The following ERC1 variants were observed in gnomAD, a reference collection of about 807,000 sequenced individuals.
ERC1 encodes ELKS/RAB6-interacting/CAST family member 1, also known as RAB6 interacting protein 2.
In ERC1, 56 loss-of-function variants were observed where a neutral mutation model predicts 132.0. That is an observed-to-expected ratio of 0.42 (90% CI 0.34 to 0.53). The LOEUF is 0.53. Among genes scored for constraint, ERC1 ranks in the 20% least tolerant of loss-of-function variants. The pLI, the probability that ERC1 is intolerant of heterozygous loss-of-function variation, is 0.03. For missense variants in ERC1, 1,202 were observed against 1,349.9 expected (o/e 0.89, Z 1.72); for synonymous variants, 478 against 476.1 (o/e 1.00, Z -0.05).
chr12:1,362,268 A>G (rs1678502007), intron 15 of ERC1, among the ~76,000 whole-genome samples: 1 of 152,166 alleles, frequency 6.6e-6, no homozygotes, highest in Non-Finnish European at 1.5e-5. Flanking sequence ...CTTAATGAAA[A>G]AGGACATCAG....
chr12:1,160,524 C>T (rs1951791222), intron 8 of ERC1, among the ~76,000 whole-genome samples: 1 of 152,078 alleles, frequency 6.6e-6, no homozygotes, highest in Non-Finnish European at 1.5e-5. Context: ...CACCTGAGGT[C>T]AGGAGCTTGA....
At chr12:1,040,280 CAT>C (rs1969954783) in intron 2 of ERC1, among the ~76,000 whole-genome samples, 1 of 151,538 alleles carries the variant, frequency 6.6e-6, no homozygotes, top group Non-Finnish European at 1.5e-5. Context: ...CTACCATACA[CAT>C]TTCTAAAAAT....
rs190370835 is a variant in ERC1 at position 1,492,648 on chromosome 12, C to T, written c.*2418C>T. On this transcript the variant is annotated 3_prime_UTR_variant, in exon 19 of 19. Coordinates refer to ENST00000360905, the MANE Select transcript of ERC1 (RefSeq NM_178040.4). ...CTGTGACACTGCTTCTGAGAAGAAGCATTTCCGGGACCGATATCATCTGTC... is the reference window on the plus strand; with the variant it reads ...CTGTGACACTGCTTCTGAGAAGAAGTATTTCCGGGACCGATATCATCTGTC... 4 of 233,082 alleles carry T rather than the reference C, an allele frequency of 1.7e-5. No homozygotes were observed. Among genetic ancestry groups the T allele is most frequent in the Admixed American group, 5.6e-5 (1 of 17,790 alleles). The allele number at this position is 233,082 out of a possible 1,614,324, so 14.4% of individuals were successfully genotyped here.
At chr12:1,305,519 C>G (rs868650403) in intron 15 of ERC1, among the ~76,000 whole-genome samples, 1 of 152,186 alleles carries the variant, frequency 6.6e-6, no homozygotes, top group South Asian at 2.1e-4. Context: ...GCCCCACCCC[C>G]GTAAGTTATT....
chr12:1,237,978 G>A (rs1220663121), intron 13 of ERC1, among the ~76,000 whole-genome samples: 7 of 152,134 alleles, frequency 4.6e-5, no homozygotes, highest in Non-Finnish European at 1.0e-4. Flanking sequence ...ATATGAAGAA[G>A]ACTCTACTTT....
intron 1 of ERC1, among the ~76,000 whole-genome samples, chr12:1,024,197 A>G (rs1966761871): frequency 1.3e-5 from 2 of 152,168 alleles, no homozygotes; most frequent in African/African-American, 2.4e-5. Context: ...ACTGGGCAAC[A>G]TGGTGAAACC....
chr12:1,071,100 GT>G (rs1940268568), intron 2 of ERC1, among the ~76,000 whole-genome samples: 1 of 152,276 alleles, frequency 6.6e-6, no homozygotes, highest in South Asian at 2.1e-4. Context: ...CCAATCTTCT[GT>G]TGATGGACAT....
In ERC1 at chr12:1,207,064, C is replaced by G. The variant is rs117376951; in HGVS notation, c.2351+17012C>G. ...AAGTTAAAATACTTTTATACTTTGCCCCCCAAAAAATCCCATTGTTATAGT... is the reference window on the plus strand; with the variant it reads ...AAGTTAAAATACTTTTATACTTTGCGCCCCAAAAAATCCCATTGTTATAGT... On this transcript the variant is annotated intron_variant, in intron 12 of 18. Coordinates refer to ENST00000360905, the MANE Select transcript of ERC1 (RefSeq NM_178040.4). Among the ~76,000 whole-genome samples the G allele has an allele frequency of 2.5e-3, 384 of 152,112 alleles. 7 individuals carry two copies. In the East Asian group the frequency reaches 0.062, roughly 25 times the overall value.
chr12:1,092,129 G>A (rs964787726), intron 3 of ERC1, among the ~76,000 whole-genome samples: 2 of 151,940 alleles, frequency 1.3e-5, no homozygotes, highest in African/African-American at 4.8e-5. Context: ...CTCCCGAGTA[G>A]CTGGGATTAC....
intron 7 of ERC1, among the ~76,000 whole-genome samples, chr12:1,117,702 T>C (rs1946599217): frequency 6.6e-6 from 1 of 152,254 alleles, no homozygotes; most frequent in Non-Finnish European, 1.5e-5. Context: ...TGCCAGTGTC[T>C]GGCACATAGT....
At chr12:1,321,403 G>A (rs956105493) in intron 15 of ERC1, among the ~76,000 whole-genome samples, 3 of 152,084 alleles carry the variant, frequency 2.0e-5, no homozygotes, top group Admixed American at 6.6e-5. Context: ...GGTAGCAATT[G>A]CCTGTTGTAT....
intron 16 of ERC1, among the ~76,000 whole-genome samples, chr12:1,386,211 G>A (rs940731546): frequency 2.0e-5 from 3 of 151,306 alleles, no homozygotes; most frequent in African/African-American, 7.3e-5. Flanking sequence ...AGCTATTTTT[G>A]TATTTTTAGT....
intron 2 of ERC1, among the ~76,000 whole-genome samples, chr12:1,064,871 C>G (rs1938778943): frequency 1.3e-5 from 2 of 152,202 alleles, no homozygotes; most frequent in South Asian, 4.1e-4. Flanking sequence ...AACAGGTTGT[C>G]TATGCCATTT....
intron 15 of ERC1, among the ~76,000 whole-genome samples, chr12:1,344,627 G>T (rs2084260523): frequency 6.6e-6 from 1 of 152,208 alleles, no homozygotes. Flanking sequence ...AAAACCCAGA[G>T]TGGTAATTCC....
At chr12:1,212,588 C>G (rs1201147235) in intron 12 of ERC1, among the ~76,000 whole-genome samples, 1 of 152,192 alleles carries the variant, frequency 6.6e-6, no homozygotes, top group Non-Finnish European at 1.5e-5. Context: ...CCTTGTCACA[C>G]AGCCACGAAA....
At chr12:1,201,385 T>C (rs1956902162) in intron 12 of ERC1, among the ~76,000 whole-genome samples, 1 of 152,190 alleles carries the variant, frequency 6.6e-6, no homozygotes, top group Non-Finnish European at 1.5e-5. Context: ...TTGTTGAATG[T>C]GGGAGTAGGA....
intron 13 of ERC1, among the ~76,000 whole-genome samples, chr12:1,253,452 A>G (rs1041866569): frequency 2.6e-5 from 4 of 152,126 alleles, no homozygotes; most frequent in African/African-American, 9.7e-5. Flanking sequence ...CGAGGCGGGC[A>G]GATCACCTGA....
chr12:1,387,336 T>C (rs2089487660), intron 16 of ERC1, among the ~76,000 whole-genome samples: 1 of 152,144 alleles, frequency 6.6e-6, no homozygotes, highest in South Asian at 2.1e-4. Context: ...ATGGGACAGA[T>C]AAGAATTTGG....
At chr12:1,044,338 A>G (rs985045047) in intron 2 of ERC1, among the ~76,000 whole-genome samples, 4 of 152,234 alleles carry the variant, frequency 2.6e-5, no homozygotes, top group Non-Finnish European at 5.9e-5. Flanking sequence ...CACTTTGATC[A>G]TAATGCCCAA....
Sources: allele counts gnomAD v4.1 joint callset (sites outside exome capture counted in the v4.1 genomes callset), GRCh38; gene constraint gnomAD v4.1.1; transcripts MANE v1.5; gene names NCBI Gene and HGNC (gene_info 2026-07-23, HGNC 2026-07-21).